The following CARMIL1 variants were observed in gnomAD, a reference collection of about 807,000 sequenced individuals.
CARMIL1 encodes the protein F-actin-uncapping protein LRRC16A.
CARMIL1 carries 90 observed loss-of-function variants against 177.1 expected under a neutral mutation model. That is an observed-to-expected ratio of 0.51 (90% CI 0.43 to 0.61). The LOEUF is 0.61. Among genes scored for constraint, CARMIL1 ranks in the 20% least tolerant of loss-of-function variants. The pLI is 0.00. For synonymous variants in CARMIL1, 577 were observed against 606.2 expected, an observed-to-expected ratio of 0.95 and a Z score of 0.71; for missense variants, 1,380 against 1,667.0, an observed-to-expected ratio of 0.83 and a Z score of 3.00.
intron 2 of CARMIL1, among the ~76,000 whole-genome samples, chr6:25,324,265 G>A (rs1784899793): frequency 6.6e-6 from 1 of 152,218 alleles, no homozygotes; most frequent in Admixed American, 6.5e-5. Context: ...CACTTACAGA[G>A]CTGGGGAGGC....
intron 5 of CARMIL1, among the ~76,000 whole-genome samples, chr6:25,441,337 A>ATATATATATATGTGTGTGTG: frequency 3.0e-4 from 28 of 94,532 alleles, no homozygotes; most frequent in African/African-American, 7.0e-4. Context: ...ATATATATAT[A>ATATATATATATGTGTGTGTG]TGTGTGTGTG....
chr6:25,403,562 G>A (rs1464837428), intron 2 of CARMIL1, among the ~76,000 whole-genome samples: 1 of 152,110 alleles, frequency 6.6e-6, no homozygotes, highest in East Asian at 1.9e-4. Flanking sequence ...TTCAAGCCAA[G>A]GCTCTTCTTT....
intron 2 of CARMIL1, among the ~76,000 whole-genome samples, chr6:25,337,226 C>T (rs1452876910): frequency 3.9e-5 from 6 of 152,146 alleles, no homozygotes; most frequent in Admixed American, 2.6e-4. Context: ...TATCTTATTG[C>T]AAATCAGCCC....
At chr6:25,416,352 C>G (rs541461638) in intron 2 of CARMIL1, among the ~76,000 whole-genome samples, 1 of 152,142 alleles carries the variant, frequency 6.6e-6, no homozygotes, top group East Asian at 1.9e-4. Context: ...TGGAACCAGA[C>G]CATCCAGGCT....
At chr6:25,337,856 A>G (rs1786433070) in intron 2 of CARMIL1, among the ~76,000 whole-genome samples, 1 of 152,226 alleles carries the variant, frequency 6.6e-6, no homozygotes, top group African/African-American at 2.4e-5. Context: ...TGGCTCAGTT[A>G]AAGATATGAA....
In CARMIL1 at chr6:25,317,896, C is replaced by T. The variant is rs75326352; in HGVS notation, c.138+32987C>T. ...GGGCTTCTAATTCACTTTCCTTTTC[C>T]TTCTTGTCTAATTCTTGTGTTTTTA... is the stretch of plus-strand genomic sequence containing the variant. On this transcript the variant is annotated intron_variant, in intron 2 of 36. Coordinates refer to ENST00000329474, the MANE Select transcript of CARMIL1 (RefSeq NM_017640.6). Among the ~76,000 whole-genome samples, 12 of 152,210 alleles carry T rather than the reference C, an allele frequency of 7.9e-5. No homozygotes were observed. The East Asian group carries it at 2.3e-3, about 29-fold the overall frequency.
chr6:25,507,555 G>C (rs1805033314), intron 17 of CARMIL1: 1 of 152,548 alleles, frequency 6.6e-6, no homozygotes, highest in Admixed American at 6.6e-5. Flanking sequence ...GCATTGGAAA[G>C]TATGTTTTAT....
chr6:25,484,604 T>C (rs1013112724), intron 12 of CARMIL1, among the ~76,000 whole-genome samples: 14 of 152,224 alleles, frequency 9.2e-5, no homozygotes, highest in Non-Finnish European at 1.8e-4. Context: ...TAAACCTTTT[T>C]CTGATAATTA....
rs1805303852 is a variant in CARMIL1, at chr6:25,509,941, G to GC, written c.1477+204_1477+205insC. 2.6e-5 allele frequency among the ~76,000 whole-genome samples: 4 copies of GC among 152,024 alleles called. No individual in the cohort carries two copies. In the South Asian group the frequency reaches 8.3e-4, roughly 32 times the overall value. ...CAGAGTCTTACTAAGTTGACTCTGT[G>GC]GCCAACTATGCAAAGTCTATGCAGT... On this transcript the variant is annotated intron_variant, in intron 18 of 36. Transcript: ENST00000329474. This position sits in a 1 kb window ranked among gnomAD's most constrained non-coding sequence, Gnocchi z 4.1.
In CARMIL1 at chr6:25,279,573, T is replaced by TGTA. The variant is rs1463906549; in HGVS notation, c.-221_-219dup. ...CGCCGGGAACTGCGAGGAGGCGTCA[T>TGTA]GTAGCAGCAGCAGCAAATCCGCCTC... is the stretch of plus-strand genomic sequence containing the variant. On this transcript the variant is annotated 5_prime_UTR_variant, in exon 1 of 37. Transcript: ENST00000329474. 2 of 589,676 alleles carry TGTA rather than the reference T, an allele frequency of 3.4e-6. No homozygotes were observed. Among genetic ancestry groups the TGTA allele is most frequent in the African/African-American group, 1.9e-5 (1 of 53,292 alleles). 36.5% of individuals were successfully genotyped at this position (589,676 alleles called of 1,614,324 possible).
intron 2 of CARMIL1, among the ~76,000 whole-genome samples, chr6:25,300,060 G>C: frequency 6.6e-6 from 1 of 151,808 alleles, no homozygotes; most frequent in Admixed American, 6.6e-5. Flanking sequence ...AGAATCATTG[G>C]TTTAGATCAG....
At chr6:25,308,377 A>AT (rs35167760) in intron 2 of CARMIL1, among the ~76,000 whole-genome samples, 7,460 of 118,752 alleles carry the variant, frequency 0.063, 342 homozygotes, top group Middle Eastern at 0.089. Context: ...TTGTACAACC[A>AT]TTTTTTTTTT....
intron 25 of CARMIL1, among the ~76,000 whole-genome samples, chr6:25,538,523 G>C (rs1176752180): frequency 6.6e-6 from 1 of 152,094 alleles, no homozygotes; most frequent in Non-Finnish European, 1.5e-5. Flanking sequence ...TTTGGTCTTT[G>C]TTCCCAGTTC....
intron 8 of CARMIL1, among the ~76,000 whole-genome samples, chr6:25,463,295 A>G (rs945272738): frequency 3.9e-5 from 6 of 152,160 alleles, no homozygotes; most frequent in Non-Finnish European, 8.8e-5. Flanking sequence ...TGTAGATTTT[A>G]TTAATCCCAA....
chr6:25,426,140 G>C (rs1408660109), intron 3 of CARMIL1, among the ~76,000 whole-genome samples: 4 of 152,140 alleles, frequency 2.6e-5, no homozygotes, highest in South Asian at 4.2e-4. Context: ...TATTAGGTTC[G>C]TGCCAAAGTA....
At chr6:25,374,728 G>T (rs1276114310) in intron 2 of CARMIL1, among the ~76,000 whole-genome samples, 1 of 152,270 alleles carries the variant, frequency 6.6e-6, no homozygotes, top group East Asian at 1.9e-4. Context: ...ATCTAGGATT[G>T]TAATATCATC....
At chr6:25,492,339 G>A (rs911262453) in intron 15 of CARMIL1, among the ~76,000 whole-genome samples, 1 of 152,170 alleles carries the variant, frequency 6.6e-6, no homozygotes, top group Non-Finnish European at 1.5e-5. Flanking sequence ...TATTTCTCAC[G>A]GGTGAGCTTG....
At chr6:25,293,197 C>G (rs2150149110) in intron 2 of CARMIL1, among the ~76,000 whole-genome samples, 1 of 148,368 alleles carries the variant, frequency 6.7e-6, no homozygotes, top group East Asian at 2.0e-4. Flanking sequence ...TATTTTTTTC[C>G]CTCTTGATAG....
chr6:25,373,878 G>C (rs1459327072), intron 2 of CARMIL1, among the ~76,000 whole-genome samples: 2 of 152,032 alleles, frequency 1.3e-5, no homozygotes, highest in Non-Finnish European at 2.9e-5. Context: ...CACTGTGCCC[G>C]GCCTCCATTT....
Sources: allele counts gnomAD v4.1 joint callset (sites outside exome capture counted in the v4.1 genomes callset), GRCh38; gene constraint gnomAD v4.1.1; non-coding constraint Gnocchi (gnomAD v3.1); transcripts MANE v1.5; gene names NCBI Gene and HGNC (gene_info 2026-07-23, HGNC 2026-07-21).